COMMD10: variants seen among roughly 807,000 people sequenced by gnomAD.
COMMD10 encodes COMM domain-containing protein 10.
Under a neutral mutation model 28.9 loss-of-function variants are expected in COMMD10, and 33 were observed. The ratio of observed to expected loss-of-function variants is 1.14; its 90% CI spans 0.87 to 1.53. The LOEUF is 1.53. Ranked by LOEUF, COMMD10 falls within the 40% of genes most tolerant of loss-of-function variation. COMMD10 has a pLI of 0.00. For synonymous variants in COMMD10, 110 were observed against 81.7 expected, an observed-to-expected ratio of 1.35 and a Z score of -1.87; for missense variants, 310 against 233.4, an observed-to-expected ratio of 1.33 and a Z score of -2.14.
At chr5:116,158,682 T>G (rs1315602733) in intron 5 of COMMD10, among the ~76,000 whole-genome samples, 1 of 151,992 alleles carries the variant, frequency 6.6e-6, no homozygotes. Context: ...TATGTTTTCT[T>G]AAGTGTTTTT....
intron 5 of COMMD10, among the ~76,000 whole-genome samples, chr5:116,250,794 A>G (rs76690460): frequency 0.029 from 4,400 of 151,970 alleles, 103 homozygotes; most frequent in East Asian, 0.13. Flanking sequence ...AAAACAGGAG[A>G]CTCAATTAAA....
chr5:116,282,104 C>A (rs893060761), intron 5 of COMMD10, among the ~76,000 whole-genome samples: 1 of 151,888 alleles, frequency 6.6e-6, no homozygotes, highest in African/African-American at 2.4e-5. Flanking sequence ...GGATCCTGCC[C>A]TTCTTCAGAT....
chr5:116,155,129 G>C (rs73253287), intron 5 of COMMD10, among the ~76,000 whole-genome samples: 2,516 of 152,218 alleles, frequency 0.017, 76 homozygotes, highest in African/African-American at 0.057. Context: ...GTAAACAGCA[G>C]ATTCACCTTT....
At chr5:116,212,496 C>CTGTCTGTGTGTGTGTGTG (rs1748991768) in intron 5 of COMMD10, among the ~76,000 whole-genome samples, 1 of 63,798 alleles carries the variant, frequency 1.6e-5, no homozygotes, top group Non-Finnish European at 4.4e-5. Context: ...TACTGAAATG[C>CTGTCTGTGTGTGTGTGTG]TGTGTGTGTG....
At chr5:116,172,542 G>A (rs1199536540) in intron 5 of COMMD10, among the ~76,000 whole-genome samples, 2 of 152,102 alleles carry the variant, frequency 1.3e-5, no homozygotes, top group Non-Finnish European at 2.9e-5. Context: ...TCTACCCTAG[G>A]TCGGAAATAT....
intron 5 of COMMD10, among the ~76,000 whole-genome samples, chr5:116,146,307 G>T (rs758307355): frequency 4.0e-5 from 6 of 151,860 alleles, no homozygotes; most frequent in Non-Finnish European, 8.8e-5. Context: ...ATCTGCTGGA[G>T]ATAGTAGAGT....
intron 5 of COMMD10, among the ~76,000 whole-genome samples, chr5:116,246,711 C>T (rs1749960081): frequency 6.6e-6 from 1 of 152,080 alleles, no homozygotes; most frequent in African/African-American, 2.4e-5. Context: ...TGATGTTCAA[C>T]AAACCTGACA....
intron 5 of COMMD10, among the ~76,000 whole-genome samples, chr5:116,152,471 C>A (rs1179392794): frequency 6.6e-6 from 1 of 152,010 alleles, no homozygotes; most frequent in Non-Finnish European, 1.5e-5. Flanking sequence ...ATATCATCAT[C>A]CTCAATTTTA....
At chr5:116,208,485 A>C (rs1466645704) in intron 5 of COMMD10, among the ~76,000 whole-genome samples, 2 of 152,130 alleles carry the variant, frequency 1.3e-5, no homozygotes, top group African/African-American at 4.8e-5. Context: ...ACATGTTGCT[A>C]ATGTGGATTA....
chr5:116,238,766 C>G (rs1210003739), intron 5 of COMMD10, among the ~76,000 whole-genome samples: 3 of 152,142 alleles, frequency 2.0e-5, no homozygotes, highest in Non-Finnish European at 2.9e-5. Flanking sequence ...ATGATTCCAG[C>G]AAAGCACAGA....
intron 5 of COMMD10, among the ~76,000 whole-genome samples, chr5:116,156,212 G>A (rs1355146167): frequency 2.6e-5 from 4 of 152,088 alleles, no homozygotes; most frequent in Non-Finnish European, 5.9e-5. Flanking sequence ...ATAAGGTGAA[G>A]GACCAGTGGT....
intron 5 of COMMD10, among the ~76,000 whole-genome samples, chr5:116,214,868 C>A (rs1002475096): frequency 6.6e-6 from 1 of 151,990 alleles, no homozygotes; most frequent in Non-Finnish European, 1.5e-5. Context: ...TGGAAAAATA[C>A]GATCTCTTTT....
At chr5:116,142,409 A>C (rs762695820) in intron 5 of COMMD10, among the ~76,000 whole-genome samples, 5 of 151,796 alleles carry the variant, frequency 3.3e-5, no homozygotes, top group Non-Finnish European at 7.4e-5. Flanking sequence ...ATGCATTATG[A>C]ATGAATTAGA....
chr5:116,199,993 G>T (rs934055185), intron 5 of COMMD10, among the ~76,000 whole-genome samples: 6 of 151,890 alleles, frequency 4.0e-5, no homozygotes, highest in Non-Finnish European at 7.4e-5. Context: ...AATTTTTGTG[G>T]ATACATACTA....
chr5:116,194,415 C>T (rs1235145335), intron 5 of COMMD10, among the ~76,000 whole-genome samples: 1 of 151,934 alleles, frequency 6.6e-6, no homozygotes, highest in Non-Finnish European at 1.5e-5. Flanking sequence ...ATTGATAGAC[C>T]ATTAGCAAGT....
chr5:116,264,704 A>AT (rs1283168629), intron 5 of COMMD10, among the ~76,000 whole-genome samples: 1 of 151,454 alleles, frequency 6.6e-6, no homozygotes, highest in Non-Finnish European at 1.5e-5. Flanking sequence ...TTTTCTTAAC[A>AT]TTTTTTTTCT....
intron 4 of COMMD10, among the ~76,000 whole-genome samples, chr5:116,126,983 C>T (rs889774378): frequency 6.6e-6 from 1 of 152,178 alleles, no homozygotes; most frequent in Non-Finnish European, 1.5e-5. Flanking sequence ...TCAGAGTGAA[C>T]AGGCAACCTA....
chr5:116,149,017 G>A (rs1411283376), intron 5 of COMMD10, among the ~76,000 whole-genome samples: 1 of 103,320 alleles, frequency 9.7e-6, no homozygotes, highest in Non-Finnish European at 1.8e-5. Context: ...CCACCCCACA[G>A]CAGTCCCCAG....
chr5:116,107,411 C>G (rs1387013373), intron 4 of COMMD10, among the ~76,000 whole-genome samples: 1 of 152,152 alleles, frequency 6.6e-6, no homozygotes, highest in Non-Finnish European at 1.5e-5. Flanking sequence ...TGTCTTCTCA[C>G]TTTATTTCAT....
Sources: gnomAD v4.1 joint callset for allele counts (sites outside exome capture counted in the v4.1 genomes callset) on GRCh38, gnomAD v4.1.1 for gene constraint, MANE v1.5 for transcripts, NCBI Gene and HGNC (gene_info 2026-07-23, HGNC 2026-07-21) for gene names.